The following NPHP1 variants were observed in gnomAD, a reference collection of about 807,000 sequenced individuals.
The protein encoded by NPHP1 is nephrocystin 1, also known as nephrocystin-1.
In NPHP1, 70 loss-of-function variants were observed where a neutral mutation model predicts 90.4. The ratio of observed to expected loss-of-function variants is 0.77; its 90% CI spans 0.64 to 0.95. The LOEUF (loss-of-function observed/expected upper bound fraction) is 0.95, where lower values mean the gene tolerates loss of function less well. NPHP1 is among the 40% of genes least tolerant of loss of function. The pLI is 0.00. For synonymous variants in NPHP1, 256 were observed against 271.7 expected (o/e 0.94, Z 0.57); for missense variants, 764 against 795.9 (o/e 0.96, Z 0.48).
chr2:110,141,171 T>C (rs753019948), intron 16 of NPHP1, among the ~76,000 whole-genome samples: 2 of 152,162 alleles, frequency 1.3e-5, no homozygotes, highest in Non-Finnish European at 2.9e-5. Flanking sequence ...GCCCCCTGAT[T>C]TTACCAGCTA....
In NPHP1 at chr2:110,125,626, T is replaced by C; in HGVS notation, c.1761+11A>G. 6.2e-7 allele frequency: 1 copy of C among 1,608,412 alleles called. No homozygotes were observed. The highest frequency in any genetic ancestry group is 8.5e-7 in the Non-Finnish European group (1 of 1,174,876). The stretch of plus-strand genomic sequence containing the variant: ...CAAATATGGAGTTCAGTGTGGAGAC[T>C]CATATTTTACCTTCTCTGATCTTTT... On this transcript the variant is annotated intron_variant, in intron 19 of 19. Coordinates refer to ENST00000445609, the MANE Select transcript of NPHP1 (RefSeq NM_001128178.3).
intron 16 of NPHP1, 86 bp downstream of exon 16, chr2:110,143,456 A>C: frequency 1.1e-6 from 1 of 906,886 alleles, no homozygotes; most frequent in Non-Finnish European, 1.8e-6. Flanking sequence ...AAAGATGACT[A>C]AATATGAGGA....
rs1685565933 is a variant in NPHP1, at chr2:110,201,360, T to C, written c.143+61A>G. On this transcript the variant is annotated intron_variant, in intron 2 of 19. Coordinates refer to ENST00000445609, the MANE Select transcript of NPHP1 (RefSeq NM_001128178.3). The stretch of plus-strand genomic sequence containing the variant: ...AAAGGACCAATCTCTATGCCTTAAA[T>C]ACTATGCATTGAAATGTAAGTGCGG... The C allele has an allele frequency of 4.0e-5, 41 of 1,028,884 alleles. 1 individual carries two copies. The South Asian group carries it at 5.2e-4, about 13-fold the overall frequency. The allele number at this position is 1,028,884 out of a possible 1,614,324, so 63.7% of individuals were successfully genotyped here.
At chr2:110,199,411 T>TAAA (rs59275167) in intron 2 of NPHP1, among the ~76,000 whole-genome samples, 1 of 137,538 alleles carries the variant, frequency 7.3e-6, no homozygotes, top group Non-Finnish European at 1.6e-5. Context: ...GACTCCATCT[T>TAAA]AAAAAAAAAA....
intron 5 of NPHP1, 54 bp from the exon 6 acceptor site, chr2:110,168,607 T>C: frequency 1.8e-6 from 2 of 1,130,190 alleles, no homozygotes; most frequent in South Asian, 2.5e-5. Flanking sequence ...ATCATGAGTA[T>C]ATGTCAATAC....
chr2:110,194,298 G>A (rs1325816426), intron 2 of NPHP1, among the ~76,000 whole-genome samples: 2 of 151,916 alleles, frequency 1.3e-5, no homozygotes, highest in African/African-American at 4.8e-5. Flanking sequence ...GAATCAAATA[G>A]ATGCAATAAA....
intron 16 of NPHP1, among the ~76,000 whole-genome samples, chr2:110,135,975 T>C (rs528064544): frequency 1.3e-5 from 2 of 152,268 alleles, no homozygotes; most frequent in East Asian, 3.9e-4. Flanking sequence ...TTATCCACCA[T>C]GATCAAGTGG....
At chr2:110,128,455 C>CGTCT (rs1679528180) in intron 18 of NPHP1, 1 of 152,284 alleles carries the variant, frequency 6.6e-6, no homozygotes, top group Non-Finnish European at 1.5e-5. Context: ...CTGCCTCAAA[C>CGTCT]GTCTGCTCAT....
At chr2:110,196,266 G>A (rs1559107058) in intron 2 of NPHP1, among the ~76,000 whole-genome samples, 1 of 151,884 alleles carries the variant, frequency 6.6e-6, no homozygotes, top group Non-Finnish European at 1.5e-5. Flanking sequence ...CTGACAAAGG[G>A]CTAATATACA....
chr2:110,147,995 C>T lies in NPHP1; in HGVS notation c.1190G>A (p.Gly397Asp). The change falls in exon 13 of 20, where the codon GGT becomes GAT. Residue 397 changes from glycine to aspartate, a missense_variant. Transcript: ENST00000445609. ...VTRILPCLLD[G>D]DCFIRSNSAS... Reference sequence around the variant, plus strand: ...AGAATTAGACCTGATAAAGCAATCACCATCAAGCAAACATGGTAAGATGCG... The same window carrying T: ...AGAATTAGACCTGATAAAGCAATCATCATCAAGCAAACATGGTAAGATGCG... 6.2e-7 allele frequency: 1 copy of T among 1,609,888 alleles called. No individual in the cohort carries two copies. Among genetic ancestry groups the T allele is most frequent in the South Asian group, 1.1e-5 (1 of 90,986 alleles).
chr2:110,164,582 A>C, intron 8 of NPHP1, 106 bp downstream of exon 8: 1 of 1,607,558 alleles, frequency 6.2e-7, no homozygotes. Context: ...CATGCCCTGA[A>C]CCCTGTTTCA....
At chr2:110,184,543 G>T in intron 2 of NPHP1, 1 of 1,288,628 alleles carries the variant, frequency 7.8e-7, no homozygotes, top group Non-Finnish European at 1.1e-6. Flanking sequence ...TCTGGGGATG[G>T]CATCACCCAT....
intron 4 of NPHP1, among the ~76,000 whole-genome samples, chr2:110,171,580 T>C (rs1216846600): frequency 1.3e-5 from 2 of 152,178 alleles, no homozygotes; most frequent in African/African-American, 2.4e-5. Flanking sequence ...TAAAATGTCA[T>C]ATTGATTTTC....
chr2:110,182,407 A>G (rs1351695668), intron 2 of NPHP1, among the ~76,000 whole-genome samples: 1 of 152,122 alleles, frequency 6.6e-6, no homozygotes, highest in Non-Finnish European at 1.5e-5. Context: ...CACCTACAAA[A>G]GGAAGCTCAT....
At chr2:110,133,856 A>C (rs1588327) in intron 16 of NPHP1, among the ~76,000 whole-genome samples, 63,852 of 151,768 alleles carry the variant, frequency 0.42, 16,573 homozygotes, top group Non-Finnish European at 0.57. Context: ...ACATACCAAA[A>C]TTTACAAGAT....
intron 10 of NPHP1, 27 bp from the exon 11 acceptor site, chr2:110,160,282 GTTTATT>G (rs770549216): frequency 3.2e-6 from 5 of 1,556,950 alleles, no homozygotes; most frequent in Middle Eastern, 1.7e-4. Context: ...TTATAAAAAA[GTTTATT>G]TTTATGATTT....
chr2:110,193,583 C>T (rs1684915982), intron 2 of NPHP1, among the ~76,000 whole-genome samples: 2 of 152,244 alleles, frequency 1.3e-5, no homozygotes, highest in Admixed American at 6.5e-5. Flanking sequence ...CCACTGTCAA[C>T]ATTAGACAGA....
chr2:110,139,236 AC>A (rs1680453633), intron 16 of NPHP1, among the ~76,000 whole-genome samples: 1 of 148,416 alleles, frequency 6.7e-6, no homozygotes, highest in Non-Finnish European at 1.5e-5. Flanking sequence ...CACACACGCA[AC>A]CTACTTCTCC....
chr2:110,204,843 G>C, intron 1 of NPHP1, 57 bp downstream of exon 1: 1 of 1,570,454 alleles, frequency 6.4e-7, no homozygotes, highest in Non-Finnish European at 8.8e-7. Context: ...GGCGCAGTGC[G>C]CGCAGCTGCG....
Sources: allele counts gnomAD v4.1 joint callset (sites outside exome capture counted in the v4.1 genomes callset), GRCh38; gene constraint gnomAD v4.1.1; transcripts MANE v1.5; gene names NCBI Gene and HGNC (gene_info 2026-07-23, HGNC 2026-07-21).